Variants in ATP13A4 observed in about 807,000 individuals in gnomAD.
ATP13A4 encodes ATPase 13A4.
ATP13A4 carries 114 observed loss-of-function variants against 142.5 expected under a neutral mutation model. The observed-to-expected ratio is 0.80, with a 90% confidence interval of 0.69 to 0.93. The LOEUF is 0.93. Among genes scored for constraint, ATP13A4 ranks in the 40% least tolerant of loss-of-function variants. ATP13A4 has a pLI of 0.00. For synonymous variants in ATP13A4, 488 were observed against 514.8 expected, an observed-to-expected ratio of 0.95 and a Z score of 0.70; for missense variants, 1,392 against 1,454.0, an observed-to-expected ratio of 0.96 and a Z score of 0.69.
intron 8 of ATP13A4, among the ~76,000 whole-genome samples, chr3:193,483,071 T>C (rs1039230575): frequency 2.0e-5 from 3 of 152,126 alleles, no homozygotes; most frequent in Admixed American, 2.0e-4. Context: ...GAATCAATGA[T>C]TGATACACTT....
chr3:193,550,106 A>T (rs1342126301), intron 1 of ATP13A4, among the ~76,000 whole-genome samples: 4 of 152,182 alleles, frequency 2.6e-5, no homozygotes, highest in Non-Finnish European at 2.9e-5. Context: ...CTGTGGCATA[A>T]ATAGCACCAA....
intron 3 of ATP13A4, among the ~76,000 whole-genome samples, chr3:193,498,732 T>C (rs969872142): frequency 7.0e-4 from 107 of 152,354 alleles, no homozygotes; most frequent in African/African-American, 2.4e-3. Context: ...TCTGCTAGAT[T>C]CCTATTTGAG....
chr3:193,423,504 T>C (rs1190223745), intron 25 of ATP13A4, among the ~76,000 whole-genome samples: 5 of 149,736 alleles, frequency 3.3e-5, no homozygotes, highest in Non-Finnish European at 5.9e-5. Flanking sequence ...TCAAGTGGGA[T>C]TCACCCCAAG....
intron 27 of ATP13A4, 100 bp downstream of exon 27, chr3:193,412,078 A>G (rs1576933784): frequency 9.6e-7 from 1 of 1,038,690 alleles, no homozygotes; most frequent in East Asian, 2.4e-5. Context: ...AAGAGATGCT[A>G]GATAAGAATC....
At position 193,491,350 on chromosome 3, in the gene ATP13A4, A is replaced by T. The variant is rs201963984; in HGVS notation, c.582T>A (p.Ile194=). The part of the protein sequence containing the change: ...PNTIDVEVTP[I]WKLLIKEVLN... ...TTACCTCCTTGATGAGCAGTTTCCA[A>T]ATTGGTGTAACTTCAACATCGATAG... Residue 194 remains isoleucine (I), a synonymous_variant, in exon 6 of 30, where the codon ATT becomes ATA. Transcript: ENST00000342695. 1.7e-5 allele frequency: 27 copies of T among 1,602,234 alleles called. No homozygotes were observed. Among genetic ancestry groups the T allele is most frequent in the South Asian group, 2.2e-5 (2 of 90,806 alleles).
At chr3:193,553,611 C>T (rs1723717149) in intron 1 of ATP13A4, 1 of 152,162 alleles carries the variant, frequency 6.6e-6, no homozygotes, top group Non-Finnish European at 1.5e-5. Flanking sequence ...GGGCTGAAGG[C>T]AATTCATTTG....
At chr3:193,502,104 C>T (rs1457365049) in intron 3 of ATP13A4, among the ~76,000 whole-genome samples, 1 of 152,138 alleles carries the variant, frequency 6.6e-6, no homozygotes, top group African/African-American at 2.4e-5. Flanking sequence ...ATAGCCACTG[C>T]ACTCCAGCCT....
chr3:193,523,934 A>G (rs962383325), intron 1 of ATP13A4, among the ~76,000 whole-genome samples: 1 of 152,014 alleles, frequency 6.6e-6, no homozygotes, highest in Admixed American at 6.5e-5. Flanking sequence ...AAAAGAATCT[A>G]GCTTCCTCAG....
At chr3:193,571,226 C>T (rs1307593098) in intron 2 of ATP13A4, among the ~76,000 whole-genome samples, 1 of 145,446 alleles carries the variant, frequency 6.9e-6, no homozygotes, top group Non-Finnish European at 1.5e-5. Context: ...TGCCAGTGAG[C>T]CGAGATTGCG....
chr3:193,585,464 A>T (rs914709517), intron 1 of ATP13A4, among the ~76,000 whole-genome samples: 15 of 146,086 alleles, frequency 1.0e-4, no homozygotes, highest in African/African-American at 3.3e-4. Flanking sequence ...AACAAAAAAC[A>T]TCAGGTTTGT....
chr3:193,536,155 G>A (rs371164097), intron 1 of ATP13A4, among the ~76,000 whole-genome samples: 34 of 152,006 alleles, frequency 2.2e-4, no homozygotes, highest in African/African-American at 7.7e-4. Context: ...GCATTACCCT[G>A]ATAATAAAAT....
chr3:193,570,243 G>A (rs1451657892), intron 2 of ATP13A4, among the ~76,000 whole-genome samples: 1 of 152,180 alleles, frequency 6.6e-6, no homozygotes, highest in African/African-American at 2.4e-5. Flanking sequence ...AGCCCAGGAG[G>A]TCGAGGCTGC....
Position 193,454,223 on chromosome 3 carries a change from A to G in ATP13A4, c.1916-11T>C. 5 of 1,584,198 alleles carry G rather than the reference A, an allele frequency of 3.2e-6. No individual in the cohort carries two copies. Among genetic ancestry groups the G allele is most frequent in the Non-Finnish European group, 3.5e-6 (4 of 1,152,876 alleles). ...CAAAACTAGTGGGTACTGTTTAGAA[A>G]GAAACACAGGGTTAGTACGCAGTTA... On this transcript the variant is annotated splice_polypyrimidine_tract_variant and intron_variant, in intron 16 of 29. Transcript: ENST00000342695.
chr3:193,436,923 CG>C lies in ATP13A4; in HGVS notation c.2673-1180del, dbSNP rs776924042. ...ATCGAGACCATCCCGGCTAAAACGG[CG>C]AAACCCCGTCTCTACTAAAAATGCA... On this transcript the variant is annotated intron_variant, in intron 23 of 29. Transcript: ENST00000342695. Among the ~76,000 whole-genome samples, 14 of 142,626 alleles carry C rather than the reference CG, an allele frequency of 9.8e-5. No individual in the cohort carries two copies. In the South Asian group the frequency reaches 2.9e-3, roughly 30 times the overall value. The allele number at this position is 142,626 out of a possible 152,430, so 93.6% of individuals were successfully genotyped here.
intron 24 of ATP13A4, among the ~76,000 whole-genome samples, chr3:193,434,180 T>C (rs1268774184): frequency 1.3e-5 from 2 of 152,112 alleles, no homozygotes; most frequent in Admixed American, 6.5e-5. Context: ...ATTACTTTGT[T>C]GAGGAGGACA....
chr3:193,414,655 G>T lies in ATP13A4; in HGVS notation c.2938C>A (p.Leu980Ile), dbSNP rs775420848. 2 of 1,614,162 alleles carry T rather than the reference G, an allele frequency of 1.2e-6. No individual in the cohort carries two copies. Among genetic ancestry groups the T allele is most frequent in the Admixed American group, 1.7e-5 (1 of 59,996 alleles). ...GCAATATGCATGGCCAGGCTGAGAA[G>T]AATGTTGAAAATCACAGAGAGTAGC... ...PLLLSVIFNI[L>I]LSLAMHIAGF... The change falls in exon 26 of 30, where the codon CTT (leucine) becomes ATT (isoleucine). Residue 980 changes from leucine to isoleucine, a missense_variant. Leu to Ile is a conservative substitution (Grantham distance 5, BLOSUM62 2). Coordinates refer to ENST00000342695, the MANE Select transcript of ATP13A4 (RefSeq NM_032279.4).
At chr3:193,495,754 A>G (rs971421527) in intron 3 of ATP13A4, among the ~76,000 whole-genome samples, 2 of 152,194 alleles carry the variant, frequency 1.3e-5, no homozygotes, top group African/African-American at 4.8e-5. Flanking sequence ...AGAAAGAAGT[A>G]AAAGGCATCA....
In ATP13A4 at chr3:193,457,423, G is replaced by A; in HGVS notation, c.1717C>T (p.Pro573Ser). ...SGDDFHIKGV[P>S]AHAMVVKPCR... ...GGCTTAACTACCATGGCATGTGCCG[G>A]CACTCCCTTGATGTGGAAATCGTCC... Residue 573 changes from proline to serine, a missense_variant, in exon 15 of 30, where the codon CCG (proline) becomes TCG (serine). Pro to Ser is a moderately conservative substitution (Grantham distance 74, BLOSUM62 -1). Coordinates refer to ENST00000342695, the MANE Select transcript of ATP13A4 (RefSeq NM_032279.4). The A allele has an allele frequency of 3.7e-6, 6 of 1,614,192 alleles. No individual in the cohort carries two copies. Among genetic ancestry groups the A allele is most frequent in the South Asian group, 1.1e-5 (1 of 91,086 alleles).
At chr3:193,521,916 G>C (rs1721739532) in intron 1 of ATP13A4, among the ~76,000 whole-genome samples, 1 of 151,838 alleles carries the variant, frequency 6.6e-6, no homozygotes, top group Non-Finnish European at 1.5e-5. Context: ...CTGGGCCACA[G>C]AGCGAGACTG....
Sources: gnomAD v4.1 joint callset for allele counts (sites outside exome capture counted in the v4.1 genomes callset) on GRCh38, gnomAD v4.1.1 for gene constraint, MANE v1.5 for transcripts, NCBI Gene and HGNC (gene_info 2026-07-23, HGNC 2026-07-21) for gene names.